The following TSPAN18 variants were observed in gnomAD, a reference collection of about 807,000 sequenced individuals.
TSPAN18 encodes tetraspanin-18.
In TSPAN18, 14 loss-of-function variants were observed where a neutral mutation model predicts 27.3. That is an observed-to-expected ratio of 0.51 (90% CI 0.34 to 0.80). The LOEUF (loss-of-function observed/expected upper bound fraction) is 0.80. TSPAN18 is among the 30% of genes least tolerant of loss of function. The probability of loss-of-function intolerance (pLI) is 0.01; values close to 1 mark genes in which losing one functional copy is unlikely to be tolerated. For synonymous variants in TSPAN18, 143 were observed against 136.5 expected (o/e 1.05, Z -0.33); for missense variants, 268 against 323.9 (o/e 0.83, Z 1.32).
chr11:44,851,307 C>T (rs7105406), intron 2 of TSPAN18, among the ~76,000 whole-genome samples: 14,344 of 152,192 alleles, frequency 0.094, 1,916 homozygotes, highest in East Asian at 0.55. Context: ...ACACTTCCCA[C>T]TTCCTAGCGG....
chr11:44,745,163 T>C (rs963230180), intron 1 of TSPAN18, among the ~76,000 whole-genome samples: 27 of 152,224 alleles, frequency 1.8e-4, no homozygotes, highest in African/African-American at 6.5e-4. Context: ...AAAATAATCA[T>C]GCGTGGGCAT....
intron 8 of TSPAN18, among the ~76,000 whole-genome samples, chr11:44,921,602 G>C (rs1860139092): frequency 6.6e-6 from 1 of 152,160 alleles, no homozygotes; most frequent in Admixed American, 6.5e-5. Context: ...TTGGCAGAGG[G>C]AGGTGGCCCC....
chr11:44,863,261 AG>A (rs1857944633), intron 3 of TSPAN18, among the ~76,000 whole-genome samples: 1 of 152,224 alleles, frequency 6.6e-6, no homozygotes, highest in South Asian at 2.1e-4. Flanking sequence ...GTGAGAGCAA[AG>A]GCCTGGCAGT....
intron 1 of TSPAN18, among the ~76,000 whole-genome samples, chr11:44,731,596 TTGTGTGTGTGTG>T (rs796756282): frequency 2.5e-5 from 3 of 117,890 alleles, no homozygotes; most frequent in African/African-American, 9.1e-5. Flanking sequence ...GGGGCCTGGA[TTGTGTGTGTGTG>T]TGTGTGTGTG....
chr11:44,817,129 A>G (rs1334442512), intron 2 of TSPAN18, among the ~76,000 whole-genome samples: 1 of 152,084 alleles, frequency 6.6e-6, no homozygotes, highest in African/African-American at 2.4e-5. Context: ...CCTTGTGAAC[A>G]CCACAAGATC....
chr11:44,762,792 C>T (rs1855483574), intron 1 of TSPAN18, among the ~76,000 whole-genome samples: 1 of 152,154 alleles, frequency 6.6e-6, no homozygotes, highest in African/African-American at 2.4e-5. Flanking sequence ...CATCCTCCAG[C>T]CAATCCCTAT....
chr11:44,775,743 G>C (rs1855791798), intron 2 of TSPAN18, among the ~76,000 whole-genome samples: 1 of 152,176 alleles, frequency 6.6e-6, no homozygotes, highest in Admixed American at 6.5e-5. Flanking sequence ...GTTGCTCCAG[G>C]CTGCTAACCT....
rs540545052 is a variant in TSPAN18 at position 44,852,471 on chromosome 11, G to A, written c.-152-7857G>A. ...CTGACTCCAGAACTCAGCCTCTTAT[G>A]TTTATTGAGTGACTGAATGAATGAC... On this transcript the variant is annotated intron_variant, in intron 2 of 9. Transcript: ENST00000520358. 2.6e-5 allele frequency among the ~76,000 whole-genome samples: 4 copies of A among 152,298 alleles called. No individual in the cohort carries two copies. In the South Asian group the frequency reaches 8.3e-4, roughly 32 times the overall value.
rs527789787 is a variant in TSPAN18 at position 44,854,209 on chromosome 11, G to C, written c.-152-6119G>C. Among the ~76,000 whole-genome samples, 5 of 133,490 alleles carry C rather than the reference G, an allele frequency of 3.7e-5. 1 individual carries two copies. The highest frequency in any genetic ancestry group is 2.2e-4 in the Admixed American group (3 of 13,450). The allele number at this position is 133,490 out of a possible 152,430, so 87.6% of individuals were successfully genotyped here. ...TCATTGGGGCAGGGGGTGGGGGGGGGGGTTTGTGTGCGTGTGATGTGGGTG... is the reference window on the plus strand; with the variant it reads ...TCATTGGGGCAGGGGGTGGGGGGGGCGGTTTGTGTGCGTGTGATGTGGGTG... On this transcript the variant is annotated intron_variant, in intron 2 of 9. Transcript: ENST00000520358.
intron 2 of TSPAN18, among the ~76,000 whole-genome samples, chr11:44,786,600 A>T (rs1003407299): frequency 4.9e-5 from 7 of 143,080 alleles, no homozygotes; most frequent in Non-Finnish European, 1.1e-4. Context: ...CTTCCCTGCT[A>T]CCTGCACAGG....
chr11:44,747,281 A>G (rs1264547486), intron 1 of TSPAN18, among the ~76,000 whole-genome samples: 1 of 152,256 alleles, frequency 6.6e-6, no homozygotes, highest in African/African-American at 2.4e-5. Context: ...TCTGGGGCAC[A>G]GAACTTCAGC....
chr11:44,781,163 A>C lies in TSPAN18; in HGVS notation c.-153+16651A>C, dbSNP rs60193504. ...GGAGGGCCCTGGCCAGTCTCTCCCC[A>C]TGTGTAGAGTAGAGATAGGAAGACT... On this transcript the variant is annotated intron_variant, in intron 2 of 9. Transcript: ENST00000520358. Among the ~76,000 whole-genome samples the C allele has an allele frequency of 3.5e-3, 527 of 152,278 alleles. 5 individuals are homozygous for C. The highest frequency in any genetic ancestry group is 0.012 in the African/African-American group (509 of 41,554).
At chr11:44,896,852 G>A (rs1255421733) in intron 3 of TSPAN18, among the ~76,000 whole-genome samples, 2 of 152,072 alleles carry the variant, frequency 1.3e-5, no homozygotes, top group Admixed American at 6.6e-5. Context: ...ACACTCTCTG[G>A]CACAGCCCCT....
chr11:44,781,115 C>T (rs1385059214), intron 2 of TSPAN18, among the ~76,000 whole-genome samples: 1 of 152,236 alleles, frequency 6.6e-6, no homozygotes, highest in African/African-American at 2.4e-5. Flanking sequence ...GTGGCTTATT[C>T]ATCATGTGCC....
At chr11:44,887,511 G>A (rs1858696779) in intron 3 of TSPAN18, among the ~76,000 whole-genome samples, 1 of 152,152 alleles carries the variant, frequency 6.6e-6, no homozygotes, top group African/African-American at 2.4e-5. Context: ...CTATAGTGGG[G>A]TTCAAAGGAG....
rs142085080 is a variant in TSPAN18 at position 44,873,096 on chromosome 11, G to T, written c.-11+12627G>T. ...AGATGGTCGAAATGCTTGGATAAGG[G>T]GCTGGAGGTGACAGTATGTGGTTGT... On this transcript the variant is annotated intron_variant, in intron 3 of 9. Transcript: ENST00000520358. Among the ~76,000 whole-genome samples the T allele has an allele frequency of 1.2e-4, 19 of 152,314 alleles. 1 individual carries two copies. The East Asian group carries it at 3.7e-3, about 29-fold the overall frequency.
chr11:44,851,044 C>T (rs1031483682), intron 2 of TSPAN18, among the ~76,000 whole-genome samples: 56 of 152,360 alleles, frequency 3.7e-4, no homozygotes, highest in African/African-American at 1.3e-3. Context: ...GCTAGAACAA[C>T]GGTTTCCTCC....
intron 2 of TSPAN18, among the ~76,000 whole-genome samples, chr11:44,786,701 G>A (rs968915756): frequency 6.8e-6 from 1 of 148,042 alleles, no homozygotes; most frequent in East Asian, 2.0e-4. Flanking sequence ...GTGCGATCTC[G>A]GCTCACTGCA....
chr11:44,851,620 C>CCCT (rs1554991785), intron 2 of TSPAN18, among the ~76,000 whole-genome samples: 1 of 148,006 alleles, frequency 6.8e-6, no homozygotes, highest in East Asian at 1.9e-4. Context: ...TCACCTCCCC[C>CCCT]CCCCAACGGC....
Sources: allele counts gnomAD v4.1 joint callset (sites outside exome capture counted in the v4.1 genomes callset), GRCh38; gene constraint gnomAD v4.1.1; transcripts MANE v1.5; gene names NCBI Gene and HGNC (gene_info 2026-07-23, HGNC 2026-07-21).